Variants in ZNRF3 observed in about 807,000 individuals in gnomAD.
ZNRF3 encodes the protein E3 ubiquitin-protein ligase ZNRF3.
ZNRF3 carries 23 observed loss-of-function variants against 72.5 expected under a neutral mutation model. The ratio of observed to expected loss-of-function variants is 0.32; its 90% CI spans 0.23 to 0.45. The LOEUF is 0.45. ZNRF3 is among the 20% of genes least tolerant of loss of function. The pLI is 1.00. For synonymous variants in ZNRF3, 610 were observed against 545.3 expected (o/e 1.12, Z -1.65); for missense variants, 1,169 against 1,272.1 (o/e 0.92, Z 1.23).
At chr22:28,896,986 C>CTTGA (rs1192280540) in intron 1 of ZNRF3, among the ~76,000 whole-genome samples, 5 of 152,200 alleles carry the variant, frequency 3.3e-5, no homozygotes, top group Admixed American at 3.3e-4. Context: ...CTAGACTGGA[C>CTTGA]TTGAACTCTT....
At chr22:28,940,625 C>G (rs950831387) in intron 1 of ZNRF3, among the ~76,000 whole-genome samples, 2 of 152,108 alleles carry the variant, frequency 1.3e-5, no homozygotes, top group Admixed American at 1.3e-4. Context: ...TTGCCCTCCC[C>G]TTCAGAGGCT....
chr22:28,964,230 G>A (rs1456372367), intron 1 of ZNRF3, among the ~76,000 whole-genome samples: 1 of 152,184 alleles, frequency 6.6e-6, no homozygotes, highest in African/African-American at 2.4e-5. Context: ...TTCTAAGTGA[G>A]GGCAAGTCCA....
chr22:29,017,980 T>G (rs2036465623), intron 2 of ZNRF3: 1 of 518,860 alleles, frequency 1.9e-6, no homozygotes, highest in African/African-American at 1.9e-5. Context: ...ATGAATAACC[T>G]ATGCAACAGC....
intron 1 of ZNRF3, among the ~76,000 whole-genome samples, chr22:28,955,827 G>A (rs749039581): frequency 1.1e-4 from 17 of 152,134 alleles, no homozygotes; most frequent in South Asian, 4.2e-4. Context: ...GCCTAGGTGG[G>A]ATGATCACTT....
chr22:29,018,858 CAT>C (rs1356826365), intron 2 of ZNRF3, among the ~76,000 whole-genome samples: 2 of 151,922 alleles, frequency 1.3e-5, no homozygotes, highest in African/African-American at 4.8e-5. Context: ...GCCCTTAAAA[CAT>C]AGCACCCTAA....
At chr22:28,935,704 G>T (rs1017597208) in intron 1 of ZNRF3, among the ~76,000 whole-genome samples, 1 of 152,126 alleles carries the variant, frequency 6.6e-6, no homozygotes, top group African/African-American at 2.4e-5. Context: ...CCCTTTATTG[G>T]CTGCAGAAAA....
Position 29,046,788 on chromosome 22 carries a change from G to T in ZNRF3, c.817G>T (p.Gly273Trp). ...CAGAAAGTTCAACTCCAAGAGCAAG[G>T]GGCGCCGGGAGGGGAGCTGTGGGGC... is the stretch of plus-strand genomic sequence containing the variant. The part of the protein sequence containing the change: ...ETRKFNSKSK[G>W]RREGSCGALD... Residue 273 changes from glycine (G) to tryptophan (W), a missense_variant, in exon 6 of 9, where the codon GGG becomes TGG. This residue lies in a region of ZNRF3 where 386 missense variants were observed against 540.7 expected (regional missense o/e 0.71). Coordinates refer to ENST00000544604, the MANE Select transcript of ZNRF3 (RefSeq NM_001206998.2). The T allele has an allele frequency of 6.2e-7, 1 of 1,612,280 alleles. No homozygotes were observed. The highest frequency in any genetic ancestry group is 8.5e-7 in the Non-Finnish European group (1 of 1,179,122).
At chr22:29,005,291 A>T (rs1455086346) in intron 2 of ZNRF3, among the ~76,000 whole-genome samples, 1 of 152,240 alleles carries the variant, frequency 6.6e-6, no homozygotes, top group East Asian at 1.9e-4. Context: ...TCACAGAAAT[A>T]TTCCTCAGCA....
chr22:28,935,808 C>G (rs936358022), intron 1 of ZNRF3, among the ~76,000 whole-genome samples: 3 of 152,154 alleles, frequency 2.0e-5, no homozygotes, highest in Non-Finnish European at 2.9e-5. Flanking sequence ...AGGTAATTCT[C>G]TTAGGGTCTT....
Position 29,049,826 on chromosome 22 carries a change from A to G in ZNRF3, c.1645A>G (p.Ser549Gly), listed in dbSNP as rs2037153941. The G allele has an allele frequency of 2.5e-6, 4 of 1,608,922 alleles. No individual in the cohort carries two copies. Among genetic ancestry groups the G allele is most frequent in the African/African-American group, 1.3e-5 (1 of 74,886 alleles). Residue 549 changes from serine (S) to glycine (G), a missense_variant, in exon 8 of 9, where the codon AGC becomes GGC. Ser to Gly is a moderately conservative substitution (Grantham distance 56). Around this residue, in one of 2 missense-constraint regions of ZNRF3, gnomAD observed 783 missense variants for 731.4 expected, o/e 1.07. Transcript: ENST00000544604. This position sits in a 1 kb window ranked among gnomAD's most constrained non-coding sequence, Gnocchi z 5.2. Reference protein sequence around the residue: ...CSGYLADCPGSDSSSSSSSGQ... With the variant: ...CSGYLADCPGGDSSSSSSSGQ... Reference sequence around the variant, plus strand: ...TGGCTACCTGGCCGACTGCCCAGGCAGCGACAGCAGCAGCAGCAGCAGCTC... The same window carrying G: ...TGGCTACCTGGCCGACTGCCCAGGCGGCGACAGCAGCAGCAGCAGCAGCTC...
In ZNRF3 at chr22:29,050,849, C is replaced by A. The variant is rs774829441; in HGVS notation, c.2668C>A (p.Pro890Thr). 6.2e-7 allele frequency: 1 copy of A among 1,604,032 alleles called. No homozygotes were observed. Reference protein sequence around the residue: ...LCCQARALLRPGCPPEEAGAV... With the variant: ...LCCQARALLRTGCPPEEAGAV... ...CTGCCAGGCTAGGGCCCTACTGCGG[C>A]CTGGCTGCCCTCCGGAGGAGGCGGG... Residue 890 changes from proline to threonine, a missense_variant, in exon 8 of 9, where the codon CCT (proline) becomes ACT (threonine). By Grantham distance (38) the Pro-to-Thr change is conservative. This residue lies in a region of ZNRF3 where 783 missense variants were observed against 731.4 expected (regional missense o/e 1.07). Transcript: ENST00000544604.
At chr22:28,911,654 G>A (rs1176604901) in intron 1 of ZNRF3, among the ~76,000 whole-genome samples, 2 of 151,378 alleles carry the variant, frequency 1.3e-5, no homozygotes. Flanking sequence ...TGCTGCCATG[G>A]CATTTGACCT....
chr22:29,033,350 C>CAAAAAAAA, intron 2 of ZNRF3, among the ~76,000 whole-genome samples: 1 of 66,140 alleles, frequency 1.5e-5, no homozygotes, highest in Non-Finnish European at 2.7e-5. Context: ...GACTCCATCT[C>CAAAAAAAA]AAAAAAAAAA....
At chr22:28,948,480 T>G (rs1214275091) in intron 1 of ZNRF3, among the ~76,000 whole-genome samples, 1 of 152,270 alleles carries the variant, frequency 6.6e-6, no homozygotes, top group African/African-American at 2.4e-5. Flanking sequence ...AATATCTTTT[T>G]GTTTTAGAAA....
chr22:29,006,706 A>C (rs1261182487), intron 2 of ZNRF3, among the ~76,000 whole-genome samples: 1 of 152,174 alleles, frequency 6.6e-6, no homozygotes, highest in East Asian at 1.9e-4. Context: ...TTACTAGAAT[A>C]AAGTGCACCT....
intron 2 of ZNRF3, among the ~76,000 whole-genome samples, chr22:29,036,242 A>G (rs1157457567): frequency 1.3e-5 from 2 of 152,200 alleles, no homozygotes; most frequent in Non-Finnish European, 2.9e-5. Context: ...ATTTTCAGGG[A>G]AAATGTATTA....
At chr22:28,925,291 C>G (rs1224405998) in intron 1 of ZNRF3, among the ~76,000 whole-genome samples, 1 of 152,188 alleles carries the variant, frequency 6.6e-6, no homozygotes, top group Non-Finnish European at 1.5e-5. Flanking sequence ...CAGCATCTTA[C>G]AGATGTCCCA....
chr22:28,952,495 GTT>G (rs11401088), intron 1 of ZNRF3, among the ~76,000 whole-genome samples: 1 of 141,832 alleles, frequency 7.1e-6, no homozygotes. Flanking sequence ...TCATTTCCAT[GTT>G]TTTTTTTTTT....
At chr22:28,943,354 G>A (rs947590257) in intron 1 of ZNRF3, among the ~76,000 whole-genome samples, 2 of 152,134 alleles carry the variant, frequency 1.3e-5, no homozygotes, top group Non-Finnish European at 2.9e-5. Flanking sequence ...ATCCTTTGAC[G>A]ATGACCTCTT....
Sources: gnomAD v4.1 joint callset for allele counts (sites outside exome capture counted in the v4.1 genomes callset) on GRCh38, gnomAD v4.1.1 for gene constraint, gnomAD v4.1.1 regional missense constraint, Gnocchi (gnomAD v3.1) non-coding constraint, MANE v1.5 for transcripts, NCBI Gene and HGNC (gene_info 2026-07-23, HGNC 2026-07-21) for gene names.